DEPTOR: variants seen among roughly 807,000 people sequenced by gnomAD.
The protein encoded by DEPTOR is DEP domain-containing mTOR-interacting protein.
Under a neutral mutation model 41.6 loss-of-function variants are expected in DEPTOR, and 41 were observed. The ratio of observed to expected loss-of-function variants is 0.98; its 90% CI spans 0.77 to 1.28. DEPTOR has a LOEUF of 1.28. Ranked by LOEUF, DEPTOR falls within the 50% of genes most tolerant of loss-of-function variation. DEPTOR has a pLI of 0.00. For missense variants in DEPTOR, 514 were observed against 527.9 expected (o/e 0.97, Z 0.26); for synonymous variants, 195 against 192.3 (o/e 1.01, Z -0.12).
At chr8:119,909,990 T>G (rs774713255) in intron 1 of DEPTOR, among the ~76,000 whole-genome samples, 9 of 152,254 alleles carry the variant, frequency 5.9e-5, no homozygotes, top group Non-Finnish European at 1.3e-4. Context: ...GACATAAATT[T>G]CCACTTGGCT....
intron 8 of DEPTOR, among the ~76,000 whole-genome samples, chr8:120,014,532 T>C (rs546296697): frequency 2.0e-5 from 3 of 152,176 alleles, no homozygotes; most frequent in East Asian, 3.9e-4. Context: ...AAGCTATTTT[T>C]TTTTCCCTTT....
At chr8:119,955,445 T>G (rs1051780885) in intron 3 of DEPTOR, among the ~76,000 whole-genome samples, 1 of 152,074 alleles carries the variant, frequency 6.6e-6, no homozygotes, top group African/African-American at 2.4e-5. Flanking sequence ...AGTTCCATAA[T>G]CCATTTTGAC....
chr8:119,968,160 G>A (rs950588784), intron 4 of DEPTOR, among the ~76,000 whole-genome samples: 2 of 152,158 alleles, frequency 1.3e-5, no homozygotes, highest in African/African-American at 4.8e-5. Context: ...AGTAGAAGAT[G>A]TGCTATCTAT....
chr8:119,941,147 G>A (rs539390956), intron 3 of DEPTOR, among the ~76,000 whole-genome samples: 1 of 152,210 alleles, frequency 6.6e-6, no homozygotes. Flanking sequence ...GCTGAGGTGG[G>A]TGGATCACCT....
chr8:119,890,296 TTTG>T (rs1554671061), intron 1 of DEPTOR, among the ~76,000 whole-genome samples: 10,078 of 150,304 alleles, frequency 0.067, 601 homozygotes, highest in South Asian at 0.17. Context: ...TGTTTGTTTG[TTTG>T]TTGTTGTTGT....
At chr8:119,923,842 A>G (rs1277886372) in intron 1 of DEPTOR, among the ~76,000 whole-genome samples, 2 of 148,698 alleles carry the variant, frequency 1.3e-5, no homozygotes, top group Non-Finnish European at 3.0e-5. Context: ...TATCTACTGA[A>G]TGCTCTCTTT....
intron 3 of DEPTOR, among the ~76,000 whole-genome samples, chr8:119,963,408 T>C (rs1286271275): frequency 6.6e-6 from 1 of 151,764 alleles, no homozygotes; most frequent in African/African-American, 2.4e-5. Context: ...TGGAGTGCAG[T>C]GGTGTGAACT....
At chr8:119,961,235 G>A (rs1413984255) in intron 3 of DEPTOR, among the ~76,000 whole-genome samples, 1 of 151,818 alleles carries the variant, frequency 6.6e-6, no homozygotes, top group Non-Finnish European at 1.5e-5. Flanking sequence ...TGATGAGCAT[G>A]GAGAAACCCC....
At chr8:119,912,669 C>T (rs1827760203) in intron 1 of DEPTOR, among the ~76,000 whole-genome samples, 1 of 152,220 alleles carries the variant, frequency 6.6e-6, no homozygotes, top group South Asian at 2.1e-4. Flanking sequence ...CATAACCCTA[C>T]ACAGTGTTTG....
intron 4 of DEPTOR, among the ~76,000 whole-genome samples, chr8:119,988,947 C>CT (rs1194946008): frequency 2.4e-4 from 28 of 115,350 alleles, no homozygotes; most frequent in African/African-American, 3.4e-4. Flanking sequence ...TAGCCATATC[C>CT]TTTTTTTTTT....
At chr8:119,874,275 C>T (rs1053503466) in intron 1 of DEPTOR, 18 of 386,540 alleles carry the variant, frequency 4.7e-5, no homozygotes, top group Non-Finnish European at 7.4e-5. Context: ...CGCTGTCCGT[C>T]TTCCCGTGTA....
intron 4 of DEPTOR, among the ~76,000 whole-genome samples, chr8:119,980,076 CAG>C (rs1394282437): frequency 6.6e-6 from 1 of 151,260 alleles, no homozygotes; most frequent in Non-Finnish European, 1.5e-5. Context: ...AATCAGCCAC[CAG>C]ACCAGGGCTA....
chr8:119,904,238 C>T (rs755928970), intron 1 of DEPTOR, among the ~76,000 whole-genome samples: 100 of 152,000 alleles, frequency 6.6e-4, no homozygotes, highest in African/African-American at 2.2e-3. Context: ...ATGTCTCAGC[C>T]GCCCCGAGTA....
intron 4 of DEPTOR, among the ~76,000 whole-genome samples, chr8:119,990,382 C>A (rs1049079615): frequency 2.0e-5 from 3 of 152,164 alleles, no homozygotes; most frequent in Non-Finnish European, 4.4e-5. Flanking sequence ...TGGTCTCAAT[C>A]TCCTGACCTG....
intron 3 of DEPTOR, among the ~76,000 whole-genome samples, chr8:119,951,766 A>G (rs1307451492): frequency 6.6e-6 from 1 of 152,210 alleles, no homozygotes; most frequent in African/African-American, 2.4e-5. Context: ...TCTAAGAAAT[A>G]AAAACATTTA....
intron 4 of DEPTOR, among the ~76,000 whole-genome samples, chr8:119,991,158 C>T (rs999305850): frequency 2.7e-5 from 4 of 145,698 alleles, no homozygotes; most frequent in Admixed American, 7.2e-5. Flanking sequence ...GGGGTACATG[C>T]GAAGGTTTGT....
intron 4 of DEPTOR, among the ~76,000 whole-genome samples, chr8:119,991,082 CTTTCTT>C (rs750782872): frequency 0.065 from 4,651 of 71,240 alleles, 124 homozygotes; most frequent in African/African-American, 0.084. Context: ...TTCTTTCTTT[CTTTCTT>C]TTTCTTTCTT....
intron 1 of DEPTOR, among the ~76,000 whole-genome samples, chr8:119,895,868 C>G (rs775650966): frequency 2.6e-5 from 4 of 152,066 alleles, no homozygotes; most frequent in Admixed American, 1.3e-4. Context: ...TGACTTACAC[C>G]GATGCTTTGA....
intron 3 of DEPTOR, among the ~76,000 whole-genome samples, chr8:119,956,021 T>G (rs1399505403): frequency 1.3e-5 from 2 of 152,044 alleles, no homozygotes; most frequent in Non-Finnish European, 2.9e-5. Flanking sequence ...GAGCCAACGA[T>G]CCACTTCTGG....
Sources: gnomAD v4.1 joint callset for allele counts (sites outside exome capture counted in the v4.1 genomes callset) on GRCh38, gnomAD v4.1.1 for gene constraint, MANE v1.5 for transcripts, NCBI Gene and HGNC (gene_info 2026-07-23, HGNC 2026-07-21) for gene names.